Variants in FBXO9 observed in about 807,000 individuals in gnomAD.
FBXO9 encodes F-box protein 9.
FBXO9 carries 43 observed loss-of-function variants against 63.7 expected under a neutral mutation model. The observed-to-expected ratio is 0.67, with a 90% CI of 0.53 to 0.87. The LOEUF is 0.87. FBXO9 is among the 40% of genes least tolerant of loss of function. The pLI, the probability that FBXO9 is intolerant of heterozygous loss-of-function variation, is 0.00. For synonymous variants in FBXO9, 156 were observed against 171.7 expected, an observed-to-expected ratio of 0.91 and a Z score of 0.72; for missense variants, 442 against 533.2, an observed-to-expected ratio of 0.83 and a Z score of 1.68.
Position 53,092,834 on chromosome 6 carries a change from T to C in FBXO9, c.863+10T>C. 7 of 1,560,884 alleles carry C rather than the reference T, an allele frequency of 4.5e-6. No homozygotes were observed. The South Asian group carries it at 5.8e-5, about 13-fold the overall frequency. On this transcript the variant is annotated intron_variant, in intron 9 of 12. Coordinates refer to ENST00000323557, the MANE Select transcript of FBXO9 (RefSeq NM_033480.3). ...AAGTGGAATATTACAGGTACAACTG[T>C]AGTACACTGAGTGAGTGGAAAATTC...
intron 7 of FBXO9, among the ~76,000 whole-genome samples, chr6:53,084,019 C>T (rs984911700): frequency 6.6e-6 from 1 of 152,210 alleles, no homozygotes; most frequent in African/African-American, 2.4e-5. Context: ...CTGTGTCTAC[C>T]TGGATTCCAT....
At chr6:53,065,972 C>A in intron 1 of FBXO9, 180 bp downstream of exon 1, 1 of 1,163,642 alleles carries the variant, frequency 8.6e-7, no homozygotes, top group Non-Finnish European at 1.1e-6. Context: ...GGGGTGCCAA[C>A]CCTGGCTTCT....
intron 1 of FBXO9, among the ~76,000 whole-genome samples, chr6:53,066,317 A>T (rs1198439612): frequency 6.6e-6 from 1 of 152,070 alleles, no homozygotes. Flanking sequence ...CCCTGGGAGG[A>T]TGTTGGCAGG....
At chr6:53,068,843 T>A (rs1768808292) in intron 1 of FBXO9, among the ~76,000 whole-genome samples, 3 of 151,928 alleles carry the variant, frequency 2.0e-5, no homozygotes, top group African/African-American at 7.3e-5. Context: ...AGAGACGGGG[T>A]CTTGCCATGT....
At chr6:53,093,127 A>G (rs2127499159) in intron 9 of FBXO9, 1 of 385,568 alleles carries the variant, frequency 2.6e-6, no homozygotes, top group East Asian at 4.1e-5. Context: ...TTAGAAAAAA[A>G]TAGACATGTT....
At chr6:53,068,612 T>C (rs931574069) in intron 1 of FBXO9, among the ~76,000 whole-genome samples, 2 of 149,564 alleles carry the variant, frequency 1.3e-5, no homozygotes, top group Non-Finnish European at 3.0e-5. Context: ...GCTAGCTGTA[T>C]AAAAGAAGTG....
At chr6:53,067,553 A>C (rs769691743) in intron 1 of FBXO9, among the ~76,000 whole-genome samples, 1 of 152,182 alleles carries the variant, frequency 6.6e-6, no homozygotes, top group African/African-American at 2.4e-5. Flanking sequence ...ATGCAAGCCA[A>C]CTGGACAGAG....
intron 2 of FBXO9, among the ~76,000 whole-genome samples, chr6:53,071,888 T>C (rs147883495): frequency 6.6e-6 from 1 of 152,246 alleles, no homozygotes; most frequent in African/African-American, 2.4e-5. Flanking sequence ...GCATTGTTTA[T>C]CTGGAAAAAC....
At chr6:53,071,220 G>A (rs1768904651) in intron 2 of FBXO9, 77 bp downstream of exon 2, 1 of 1,345,548 alleles carries the variant, frequency 7.4e-7, no homozygotes, top group South Asian at 1.3e-5. Flanking sequence ...ATAATCATGG[G>A]TATTTGTAGG....
rs1763247225 is a variant in FBXO9, at chr6:53,097,622, A to C, written c.1206-100A>C. The C allele has an allele frequency of 6.9e-6, 4 of 578,000 alleles. No homozygotes were observed. The South Asian group carries it at 9.9e-5, about 14-fold the overall frequency. The allele number at this position is 578,000 out of a possible 1,614,324, so 35.8% of individuals were successfully genotyped here. A position where few individuals can be genotyped will look rare whatever the true frequency, so the allele number is the denominator to read the frequency against. On this transcript the variant is annotated intron_variant, in intron 12 of 12. Coordinates refer to ENST00000323557, the MANE Select transcript of FBXO9 (RefSeq NM_033480.3). ...GAATTTCCTAAGATGAATTAAAAAT[A>C]AAAAAGGCTAAAGCATAGAATAACC...
intron 4 of FBXO9, among the ~76,000 whole-genome samples, chr6:53,078,183 G>C (rs761359678): frequency 6.6e-6 from 1 of 152,188 alleles, no homozygotes; most frequent in Non-Finnish European, 1.5e-5. Flanking sequence ...GCCAGGCATG[G>C]TAGCTGACAC....
chr6:53,093,859 G>C, intron 10 of FBXO9, 26 bp from the exon 11 acceptor site: 2 of 1,460,090 alleles, frequency 1.4e-6, no homozygotes, highest in Non-Finnish European at 1.9e-6. Context: ...AACTGATTTA[G>C]ATTCAATTTG....
chr6:53,069,930 G>A (rs1306945133), intron 1 of FBXO9, among the ~76,000 whole-genome samples: 1 of 148,804 alleles, frequency 6.7e-6, no homozygotes, highest in Non-Finnish European at 1.5e-5. Flanking sequence ...AAGTTTTAAA[G>A]TCTTGTAGAA....
chr6:53,080,969 A>G lies in FBXO9; in HGVS notation c.409A>G (p.Ile137Val), dbSNP rs959052598. 3.1e-6 allele frequency: 5 copies of G among 1,613,044 alleles called. No individual in the cohort carries two copies. The South Asian group carries it at 3.3e-5, about 11-fold the overall frequency. Reference protein sequence around the residue: ...PDGDGVGNSYIEDNDDDSKMA... With the variant: ...PDGDGVGNSYVEDNDDDSKMA... ...ATTTATTCACCTCCCTTTTTTCAGC[A>G]TTGAAGATAATGATGATGACAGCAA... The change falls in exon 6 of 13, where the codon ATT (isoleucine) becomes GTT (valine). Residue 137 changes from isoleucine to valine, a missense_variant and splice_region_variant. Ile to Val is a conservative substitution (Grantham distance 29, BLOSUM62 3). Coordinates refer to ENST00000323557, the MANE Select transcript of FBXO9 (RefSeq NM_033480.3).
chr6:53,094,594 A>G (rs1763152232), intron 11 of FBXO9: 1 of 194,798 alleles, frequency 5.1e-6, no homozygotes, highest in Non-Finnish European at 1.1e-5. Context: ...TATTTGGAAT[A>G]AATATTAATA....
Position 53,078,884 on chromosome 6 carries a change from C to G in FBXO9, c.393C>G (p.Gly131=). Residue 131 remains glycine (G), a synonymous_variant, in exon 5 of 13, where the codon GGC becomes GGG. Coordinates refer to ENST00000323557, the MANE Select transcript of FBXO9 (RefSeq NM_033480.3). ...ATACCCGGTCTCCAGATGGTGATGG[C>G]GTTGGAAACAGCTAGTGCGTATATA... ...ITYTRSPDGD[G]VGNSYIEDND... is the part of the protein sequence containing the mutation. The G allele has an allele frequency of 6.2e-7, 1 of 1,612,822 alleles. No homozygotes were observed. Among genetic ancestry groups the G allele is most frequent in the Non-Finnish European group, 8.5e-7 (1 of 1,178,898 alleles).
intron 7 of FBXO9, among the ~76,000 whole-genome samples, chr6:53,084,552 TCTC>T (rs943766045): frequency 1.3e-5 from 2 of 152,212 alleles, no homozygotes; most frequent in Admixed American, 6.5e-5. Context: ...AACATCAGAT[TCTC>T]CTCCTGATTT....
At chr6:53,088,920 TTC>T (rs1231318279) in intron 7 of FBXO9, among the ~76,000 whole-genome samples, 1 of 150,178 alleles carries the variant, frequency 6.7e-6, no homozygotes, top group Non-Finnish European at 1.5e-5. Flanking sequence ...TTTTCTTTCT[TTC>T]TTTGTTTTTT....
intron 12 of FBXO9, 61 bp from the exon 13 acceptor site, chr6:53,097,661 C>A: frequency 1.0e-6 from 1 of 988,160 alleles, no homozygotes; most frequent in Non-Finnish European, 1.5e-6. Context: ...CCCAAACACA[C>A]AAGGATTTTA....
Sources: allele counts gnomAD v4.1 joint callset (sites outside exome capture counted in the v4.1 genomes callset), GRCh38; gene constraint gnomAD v4.1.1; transcripts MANE v1.5; gene names NCBI Gene and HGNC (gene_info 2026-07-23, HGNC 2026-07-21).